ANK3: variants seen among roughly 807,000 people sequenced by gnomAD.
ANK3 encodes ankyrin 3, also known as ankyrin-3.
ANK3 carries 57 observed loss-of-function variants against 370.9 expected under a neutral mutation model. The observed-to-expected ratio is 0.15, with a 90% confidence interval of 0.12 to 0.19. ANK3 has a LOEUF of 0.19. Ranked by LOEUF, ANK3 falls within the 10% of genes least tolerant of loss-of-function variation. The probability of loss-of-function intolerance (pLI) is 1.00; values close to 1 mark genes in which losing one functional copy is unlikely to be tolerated. For synonymous variants in ANK3, 1,929 were observed against 1,946.3 expected, an observed-to-expected ratio of 0.99 and a Z score of 0.23; for missense variants, 4,439 against 5,302.1, an observed-to-expected ratio of 0.84 and a Z score of 5.06.
At chr10:60,134,139 C>T (rs1055652466) in intron 25 of ANK3, 132 bp downstream of exon 25, 3 of 697,958 alleles carry the variant, frequency 4.3e-6, no homozygotes, top group Non-Finnish European at 7.0e-6. Context: ...TTTTAACTGG[C>T]TAGTACCAGA....
chr10:60,171,306 T>G (rs1407551866), intron 21 of ANK3, among the ~76,000 whole-genome samples: 1 of 152,220 alleles, frequency 6.6e-6, no homozygotes, highest in East Asian at 1.9e-4. Flanking sequence ...AGCAGGCTTG[T>G]TTTTTAGTTT....
intron 2 of ANK3, among the ~76,000 whole-genome samples, chr10:60,436,944 A>G (rs1217120143): frequency 2.0e-5 from 3 of 152,238 alleles, no homozygotes; most frequent in Non-Finnish European, 2.9e-5. Flanking sequence ...AGAATCAGTT[A>G]TCACATGGGG....
chr10:60,349,386 T>C (rs1317679622), intron 1 of ANK3, among the ~76,000 whole-genome samples: 1 of 152,054 alleles, frequency 6.6e-6, no homozygotes, highest in Non-Finnish European at 1.5e-5. Flanking sequence ...CTGAAGCAAA[T>C]AGGAATTTTA....
chr10:60,607,573 C>T (rs1036763813), intron 2 of ANK3, among the ~76,000 whole-genome samples: 2 of 152,156 alleles, frequency 1.3e-5, no homozygotes, highest in Non-Finnish European at 2.9e-5. Flanking sequence ...TTCCAAGTAC[C>T]TATCAGCATA....
rs372577385 is a variant in ANK3, at chr10:60,505,255, A to T, written c.96+109931T>A. Among the ~76,000 whole-genome samples, 17 of 152,230 alleles carry T rather than the reference A, an allele frequency of 1.1e-4. No individual in the cohort carries two copies. In the South Asian group the frequency reaches 3.3e-3, roughly 30 times the overall value. On this transcript the variant is annotated intron_variant, in intron 2 of 43. Transcript: ENST00000373827. The stretch of plus-strand genomic sequence containing the variant: ...TTCCAAATATATAAAACTATTATAC[A>T]TAGTGTTAATCAACATGAATTATAA...
At chr10:60,304,652 A>G (rs569667500) in intron 1 of ANK3, among the ~76,000 whole-genome samples, 2 of 152,290 alleles carry the variant, frequency 1.3e-5, no homozygotes, top group African/African-American at 2.4e-5. Context: ...CGAAAAAAAG[A>G]AAAAATTGAG....
At chr10:60,044,122 T>C in intron 42 of ANK3, 2 of 985,738 alleles carry the variant, frequency 2.0e-6, no homozygotes, top group African/African-American at 1.7e-5. Context: ...GTCTTAATAC[T>C]TTCCGAGTGA....
chr10:60,315,790 G>A (rs1239549778), intron 1 of ANK3, among the ~76,000 whole-genome samples: 1 of 151,958 alleles, frequency 6.6e-6, no homozygotes, highest in Non-Finnish European at 1.5e-5. Flanking sequence ...ACTGTGCCAC[G>A]AGTGAGCTGG....
intron 25 of ANK3, among the ~76,000 whole-genome samples, chr10:60,129,265 G>T (rs2132166560): frequency 6.6e-6 from 1 of 152,272 alleles, no homozygotes; most frequent in African/African-American, 2.4e-5. Flanking sequence ...ATATGCCCAA[G>T]AACCCAGACA....
chr10:60,506,932 A>G (rs1206489253), intron 2 of ANK3, among the ~76,000 whole-genome samples: 1 of 152,144 alleles, frequency 6.6e-6, no homozygotes, highest in Non-Finnish European at 1.5e-5. Context: ...TTTATAATTC[A>G]TAATCCCTAA....
chr10:60,357,747 C>T (rs1359665535), intron 1 of ANK3, among the ~76,000 whole-genome samples: 1 of 152,172 alleles, frequency 6.6e-6, no homozygotes, highest in Non-Finnish European at 1.5e-5. Context: ...AAACCCTCTT[C>T]ATTTTTCACT....
chr10:60,374,277 T>C (rs978391939), intron 1 of ANK3, among the ~76,000 whole-genome samples: 3 of 152,100 alleles, frequency 2.0e-5, no homozygotes, highest in Non-Finnish European at 2.9e-5. Flanking sequence ...TGACTTTTCA[T>C]CAGATGTCTT....
chr10:60,277,318 A>C (rs550516673), intron 4 of ANK3, among the ~76,000 whole-genome samples: 1 of 152,338 alleles, frequency 6.6e-6, no homozygotes, highest in East Asian at 1.9e-4. Flanking sequence ...GCCATAGTAA[A>C]TAATTTTGTA....
intron 2 of ANK3, among the ~76,000 whole-genome samples, chr10:60,542,096 C>T (rs1026675024): frequency 1.1e-4 from 16 of 152,032 alleles, no homozygotes; most frequent in African/African-American, 3.9e-4. Context: ...GTGAACACCA[C>T]TCACCAATTA....
At chr10:60,331,571 TA>T (rs5785438) in intron 1 of ANK3, among the ~76,000 whole-genome samples, 51,730 of 136,964 alleles carry the variant, frequency 0.38, 9,056 homozygotes, top group South Asian at 0.47. Flanking sequence ...ACAGCCTAAT[TA>T]AAAAAAAAAA....
At chr10:60,344,058 A>G (rs1333789029) in intron 1 of ANK3, among the ~76,000 whole-genome samples, 1 of 152,266 alleles carries the variant, frequency 6.6e-6, no homozygotes, top group Non-Finnish European at 1.5e-5. Flanking sequence ...GGCAGATCTA[A>G]TAACAGCCTA....
intron 8 of ANK3, among the ~76,000 whole-genome samples, 157 bp downstream of exon 8, chr10:60,234,531 C>A (rs2097299827): frequency 6.6e-6 from 1 of 152,086 alleles, no homozygotes; most frequent in Non-Finnish European, 1.5e-5. Context: ...GATGGCCATA[C>A]CATTTTAAAA....
At chr10:60,504,919 A>G (rs2075894716) in intron 2 of ANK3, among the ~76,000 whole-genome samples, 1 of 152,198 alleles carries the variant, frequency 6.6e-6, no homozygotes, top group South Asian at 2.1e-4. Flanking sequence ...TATGTGAGCC[A>G]TAAGGGAAAC....
chr10:60,194,259 A>T (rs2096546608), intron 16 of ANK3, among the ~76,000 whole-genome samples: 1 of 152,268 alleles, frequency 6.6e-6, no homozygotes, highest in Non-Finnish European at 1.5e-5. Context: ...TACACATAAC[A>T]AAATTTCCCA....
Sources: gnomAD v4.1 joint callset for allele counts (sites outside exome capture counted in the v4.1 genomes callset) on GRCh38, gnomAD v4.1.1 for gene constraint, MANE v1.5 for transcripts, NCBI Gene and HGNC (gene_info 2026-07-23, HGNC 2026-07-21) for gene names.